Variants in ST6GALNAC2 observed in about 807,000 individuals in gnomAD.
The protein encoded by ST6GALNAC2 is ST6 N-acetylgalactosaminide alpha-2,6-sialyltransferase 2, also known as alpha-N-acetylgalactosaminide alpha-2,6-sialyltransferase 2.
In ST6GALNAC2, 42 loss-of-function variants were observed where a neutral mutation model predicts 38.7. The ratio of observed to expected loss-of-function variants is 1.09; its 90% CI spans 0.85 to 1.40. ST6GALNAC2 has a LOEUF of 1.40. Ranked by LOEUF, ST6GALNAC2 falls within the 40% of genes most tolerant of loss-of-function variation. The pLI, the probability that ST6GALNAC2 is intolerant of heterozygous loss-of-function variation, is 0.00. For synonymous variants in ST6GALNAC2, 233 were observed against 209.0 expected (o/e 1.11, Z -0.99); for missense variants, 506 against 481.7 (o/e 1.05, Z -0.47).
Position 76,577,909 on chromosome 17 carries a change from C to T in ST6GALNAC2, c.186+847G>A, listed in dbSNP as rs888390803. Among the ~76,000 whole-genome samples the T allele has an allele frequency of 3.9e-5, 6 of 152,236 alleles. No individual in the cohort carries two copies. The South Asian group carries it at 6.2e-4, about 16-fold the overall frequency. On this transcript the variant is annotated intron_variant, in intron 2 of 8. Transcript: ENST00000225276. ...TAAGACAGGGCCCCCATCACCTGCC[C>T]GGGCTACTTGCTGTGTCTCTGAACA...
intron 1 of ST6GALNAC2, among the ~76,000 whole-genome samples, chr17:76,580,169 C>T (rs1338124373): frequency 6.6e-6 from 1 of 152,176 alleles, no homozygotes. Flanking sequence ...GCCTGTAATC[C>T]CAGTACTTTG....
chr17:76,573,147 T>A lies in ST6GALNAC2; in HGVS notation c.530+48A>T. On this transcript the variant is annotated intron_variant, in intron 4 of 8. Coordinates refer to ENST00000225276, the MANE Select transcript of ST6GALNAC2 (RefSeq NM_006456.3). The surrounding 1 kb of genome is among the most constrained non-coding windows in gnomAD (Gnocchi z 5.1). ...GCCCCTGGGGGAGACACCCCCACCCTCCAGGCAACTCTCCCTCCCGCCCCT... is the reference window on the plus strand; with the variant it reads ...GCCCCTGGGGGAGACACCCCCACCCACCAGGCAACTCTCCCTCCCGCCCCT... 23 of 1,491,216 alleles carry A rather than the reference T, an allele frequency of 1.5e-5. No homozygotes were observed. Among genetic ancestry groups the A allele is most frequent in the Non-Finnish European group, 2.0e-5 (22 of 1,092,376 alleles). The allele number at this position is 1,491,216 out of a possible 1,614,324, so 92.4% of individuals were successfully genotyped here.
At chr17:76,583,012 G>A (rs1475179822) in intron 1 of ST6GALNAC2, among the ~76,000 whole-genome samples, 3 of 152,140 alleles carry the variant, frequency 2.0e-5, no homozygotes, top group South Asian at 4.1e-4. Context: ...TATAATAGAA[G>A]TATAGTAAAC....
In ST6GALNAC2 at chr17:76,572,778, G is replaced by A. The variant is rs773877540; in HGVS notation, c.531-3C>T. On this transcript the variant is annotated splice_polypyrimidine_tract_variant and splice_region_variant and intron_variant, in intron 4 of 8. Coordinates refer to ENST00000225276, the MANE Select transcript of ST6GALNAC2 (RefSeq NM_006456.3). ...CTTTGATCACAGCTCCATTGAGTCT[G>A]GTTGGCACAGAGGCCCATCAGTGTC... 6.2e-7 allele frequency: 1 copy of A among 1,613,962 alleles called. No individual in the cohort carries two copies. Among genetic ancestry groups the A allele is most frequent in the African/African-American group, 1.3e-5 (1 of 74,936 alleles).
chr17:76,574,702 A>T (rs964634882), intron 2 of ST6GALNAC2, among the ~76,000 whole-genome samples, 163 bp from the exon 3 acceptor site: 20 of 149,612 alleles, frequency 1.3e-4, no homozygotes, highest in African/African-American at 4.9e-4. Context: ...TTTGAGACAG[A>T]GTCTCGCTCT....
At chr17:76,566,368 C>T in intron 8 of ST6GALNAC2, 97 bp from the exon 9 acceptor site, 1 of 1,330,278 alleles carries the variant, frequency 7.5e-7, no homozygotes, top group Non-Finnish European at 1.1e-6. Flanking sequence ...TGTCCGTCTG[C>T]TGAGGTGAGG....
intron 7 of ST6GALNAC2, chr17:76,567,780 C>G (rs769150164): frequency 4.3e-6 from 2 of 468,816 alleles, no homozygotes; most frequent in Non-Finnish European, 7.8e-6. Flanking sequence ...TTGGCAACAG[C>G]TTGTTTTCAC....
Position 76,572,623 on chromosome 17 carries a change from G to A in ST6GALNAC2, c.669+14C>T, listed in dbSNP as rs778096659. The stretch of plus-strand genomic sequence containing the variant: ...CATTGTCAACCACAATGGCATGCCC[G>A]CCAGAGGCCTCACCTGTCCTTGTGG... On this transcript the variant is annotated intron_variant, in intron 5 of 8. Transcript: ENST00000225276. 4 of 1,613,672 alleles carry A rather than the reference G, an allele frequency of 2.5e-6. No individual in the cohort carries two copies. Among genetic ancestry groups the A allele is most frequent in the East Asian group, 2.2e-5 (1 of 44,868 alleles).
Position 76,570,580 on chromosome 17 carries a change from A to G in ST6GALNAC2, c.758T>C (p.Leu253Pro). The G allele has an allele frequency of 6.2e-7, 1 of 1,611,506 alleles. No individual in the cohort carries two copies. The highest frequency in any genetic ancestry group is 1.7e-4 in the Middle Eastern group (1 of 5,982). The change falls in exon 6 of 9, where the codon CTA becomes CCA. Residue 253 changes from leucine (L) to proline (P), a missense_variant. Transcript: ENST00000225276. Reference sequence around the variant, plus strand: ...GGCTGCTCACCTGTCCCCTTTATCTAGGCCCTCAGGGACAGGCACGCCCAG... The same window carrying G: ...GGCTGCTCACCTGTCCCCTTTATCTGGGCCCTCAGGGACAGGCACGCCCAG... ...AILGVPVPEG[L>P]DKGDRPHAYF...
chr17:76,585,587 C>T lies in ST6GALNAC2; in HGVS notation c.125+97G>A. 2.2e-6 allele frequency: 3 copies of T among 1,355,920 alleles called. No homozygotes were observed. In the Middle Eastern group the frequency reaches 8.1e-4, roughly 366 times the overall value. 84.0% of individuals were successfully genotyped at this position (1,355,920 alleles called of 1,614,324 possible). On this transcript the variant is annotated intron_variant, in intron 1 of 8. Transcript: ENST00000225276. The stretch of plus-strand genomic sequence containing the variant: ...CAGAGGGGTCCACGCGGAGGTTGGG[C>T]TGAGGGCTGCGGGCCGCCGGGGAGC...
In ST6GALNAC2 at chr17:76,579,199, G is replaced by A. The variant is rs1193600711; in HGVS notation, c.126-383C>T. Among the ~76,000 whole-genome samples the A allele has an allele frequency of 3.3e-5, 5 of 152,220 alleles. No homozygotes were observed. The South Asian group carries it at 6.2e-4, about 19-fold the overall frequency. Reference sequence around the variant, plus strand: ...CTTCCAAAGTGCTGGGATTACAGGCGTAAGCCACTGCGCCCAGCTCTGTGC... The same window carrying A: ...CTTCCAAAGTGCTGGGATTACAGGCATAAGCCACTGCGCCCAGCTCTGTGC... On this transcript the variant is annotated intron_variant, in intron 1 of 8. Coordinates refer to ENST00000225276, the MANE Select transcript of ST6GALNAC2 (RefSeq NM_006456.3).
At chr17:76,568,436 T>C (rs2143289340) in intron 7 of ST6GALNAC2, 1 of 443,368 alleles carries the variant, frequency 2.3e-6, no homozygotes, top group Non-Finnish European at 4.1e-6. Flanking sequence ...CACCTTATGG[T>C]CCCAGCTCCC....
intron 7 of ST6GALNAC2, 22 bp from the exon 8 acceptor site, chr17:76,567,574 T>C: frequency 6.7e-7 from 1 of 1,497,536 alleles, no homozygotes. Context: ...AAGAGACATT[T>C]CAGCTCACTA....
At chr17:76,570,769 A>G in intron 5 of ST6GALNAC2, 101 bp from the exon 6 acceptor site, 1 of 863,396 alleles carries the variant, frequency 1.2e-6, no homozygotes, top group Admixed American at 2.0e-5. Context: ...AGCCGACTGG[A>G]GAATTTCCCT....
chr17:76,568,391 G>T, intron 7 of ST6GALNAC2: 1 of 384,698 alleles, frequency 2.6e-6, no homozygotes, highest in South Asian at 3.6e-5. Context: ...TGAAGGTTCT[G>T]ATGCCCTGCT....
chr17:76,573,605 A>G lies in ST6GALNAC2; in HGVS notation c.362-242T>C, dbSNP rs1038037146. 6.6e-6 allele frequency among the ~76,000 whole-genome samples: 1 copy of G among 152,062 alleles called. No individual in the cohort carries two copies. Among genetic ancestry groups the G allele is most frequent in the Non-Finnish European group, 1.5e-5 (1 of 67,998 alleles). Reference sequence around the variant, plus strand: ...AACTTGAATACCTTATCTTCTTAAGACTGGTGCTAGAGAAGTGAGCTCAGG... The same window carrying G: ...AACTTGAATACCTTATCTTCTTAAGGCTGGTGCTAGAGAAGTGAGCTCAGG... On this transcript the variant is annotated intron_variant, in intron 3 of 8. Coordinates refer to ENST00000225276, the MANE Select transcript of ST6GALNAC2 (RefSeq NM_006456.3). This position sits in a 1 kb window ranked among gnomAD's most constrained non-coding sequence, Gnocchi z 5.1.
At position 76,569,668 on chromosome 17, in the gene ST6GALNAC2, G is replaced by A. The variant is rs1338202100; in HGVS notation, c.774-872C>T. 3.0e-5 allele frequency: 12 copies of A among 398,078 alleles called. 1 individual carries two copies. Among genetic ancestry groups the A allele is most frequent in the Non-Finnish European group, 2.7e-5 (6 of 226,184 alleles). 24.7% of individuals were successfully genotyped at this position (398,078 alleles called of 1,614,324 possible). ...GCTCATTGGTGTTGGGGAGGCTTAG[G>A]TCCACCCGATGTCTCTGAGGCAGCC... On this transcript the variant is annotated intron_variant, in intron 6 of 8. Transcript: ENST00000225276.
rs533837803 is a variant in ST6GALNAC2 at position 76,566,088 on chromosome 17, G to A, written c.*16C>T. On this transcript the variant is annotated 3_prime_UTR_variant, in exon 9 of 9. Transcript: ENST00000225276. ...GCCGCAACTCTTGAAGAAGCAAAGG[G>A]CTCAGTGCATTGGGGTCAGCGCTGG... The A allele has an allele frequency of 1.2e-6, 2 of 1,607,504 alleles. No individual in the cohort carries two copies. The highest frequency in any genetic ancestry group is 1.3e-5 in the African/African-American group (1 of 74,584).
At position 76,573,453 on chromosome 17, in the gene ST6GALNAC2, C is replaced by T. The variant is rs1326019421; in HGVS notation, c.362-90G>A. 1 of 1,288,322 alleles carries T rather than the reference C, an allele frequency of 7.8e-7. No homozygotes were observed. Among genetic ancestry groups the T allele is most frequent in the African/African-American group, 1.5e-5 (1 of 65,380 alleles). The allele number at this position is 1,288,322 out of a possible 1,614,324, so 79.8% of individuals were successfully genotyped here. On this transcript the variant is annotated intron_variant, in intron 3 of 8. Transcript: ENST00000225276. The surrounding 1 kb of genome is among the most constrained non-coding windows in gnomAD (Gnocchi z 5.1). ...TAGGCTGGTTCTGGTGCCCCATCTCCCCTGAGGCCTGACCCTAGCCCCTCC... is the reference window on the plus strand; with the variant it reads ...TAGGCTGGTTCTGGTGCCCCATCTCTCCTGAGGCCTGACCCTAGCCCCTCC...
Sources: gnomAD v4.1 joint callset for allele counts (sites outside exome capture counted in the v4.1 genomes callset) on GRCh38, gnomAD v4.1.1 for gene constraint, Gnocchi (gnomAD v3.1) non-coding constraint, MANE v1.5 for transcripts, NCBI Gene and HGNC (gene_info 2026-07-23, HGNC 2026-07-21) for gene names.